The following TMX2 variants were observed in gnomAD, a reference collection of about 807,000 sequenced individuals.
The protein encoded by TMX2 is thioredoxin-related transmembrane protein 2.
In TMX2, 20 loss-of-function variants were observed where a neutral mutation model predicts 33.4. The ratio of observed to expected loss-of-function variants is 0.60; its 90% CI spans 0.42 to 0.87. The LOEUF (loss-of-function observed/expected upper bound fraction) is 0.87. Among genes scored for constraint, TMX2 ranks in the 40% least tolerant of loss-of-function variants. TMX2 has a pLI of 0.00. For synonymous variants in TMX2, 166 were observed against 140.7 expected (o/e 1.18, Z -1.27); for missense variants, 340 against 370.7 (o/e 0.92, Z 0.68).
At chr11:57,716,315 CCGGACGGGGCGG>C (rs1947021711) in intron 1 of TMX2, among the ~76,000 whole-genome samples, 1 of 141,050 alleles carries the variant, frequency 7.1e-6, no homozygotes, top group Non-Finnish European at 1.6e-5. Flanking sequence ...CACCTCCCTC[CCGGACGGGGCGG>C]CTGGCCGGGC....
In TMX2 at chr11:57,735,507, G is replaced by A. The variant is rs558148784; in HGVS notation, c.190-2101G>A. 8.5e-5 allele frequency among the ~76,000 whole-genome samples: 13 copies of A among 152,198 alleles called. No individual in the cohort carries two copies. The South Asian group carries it at 1.4e-3, about 17-fold the overall frequency. On this transcript the variant is annotated intron_variant, in intron 1 of 7. Transcript: ENST00000278422. ...ATTACAGGCTTGAGCCACAGCACCC[G>A]GCCAGGAGAGCTTTATTTCTCATAA...
intron 1 of TMX2, among the ~76,000 whole-genome samples, chr11:57,719,733 T>A (rs939382221): frequency 2.6e-5 from 4 of 151,878 alleles, no homozygotes; most frequent in African/African-American, 9.7e-5. Context: ...CACAGGCTGA[T>A]CTTGAACTCC....
intron 1 of TMX2, among the ~76,000 whole-genome samples, chr11:57,714,272 G>A (rs1275623750): frequency 6.6e-6 from 1 of 152,172 alleles, no homozygotes; most frequent in Non-Finnish European, 1.5e-5. Flanking sequence ...TTAAATTGTT[G>A]TGTCTCATTT....
chr11:57,716,204 G>T (rs1946999194), intron 1 of TMX2, among the ~76,000 whole-genome samples: 1 of 151,352 alleles, frequency 6.6e-6, no homozygotes, highest in African/African-American at 2.4e-5. Flanking sequence ...GGCTGGCCGG[G>T]CGGGGGGCTG....
At chr11:57,724,929 T>G (rs1180461867) in intron 1 of TMX2, among the ~76,000 whole-genome samples, 1 of 151,102 alleles carries the variant, frequency 6.6e-6, no homozygotes, top group African/African-American at 2.4e-5. Flanking sequence ...TCCCAGCTAC[T>G]CGGGAGGCTG....
At position 57,738,428 on chromosome 11, in the gene TMX2, G is replaced by C; in HGVS notation, c.439G>C (p.Asp147His). 2 of 1,608,516 alleles carry C rather than the reference G, an allele frequency of 1.2e-6. No individual in the cohort carries two copies. The highest frequency in any genetic ancestry group is 1.7e-6 in the Non-Finnish European group (2 of 1,175,146). The change falls in exon 4 of 8, where the codon GAT becomes CAT. Residue 147 changes from aspartate to histidine, a missense_variant and splice_region_variant. By Grantham distance (81) the Asp-to-His change is moderately conservative. This residue lies in a region of TMX2 where 209 missense variants were observed against 241.6 expected (regional missense o/e 0.87). Coordinates refer to ENST00000278422, the MANE Select transcript of TMX2 (RefSeq NM_015959.4). ...CAAGTACTTCAATGATAAAACCATT[G>C]ATGTGAGTGCTCTTTCCCCTTTCTG... ...YIKYFNDKTI[D>H]EELERDKRVT...
At chr11:57,715,586 C>CTTTTTTTTTTTTTTTT (rs367827761) in intron 1 of TMX2, among the ~76,000 whole-genome samples, 17 of 130,088 alleles carry the variant, frequency 1.3e-4, no homozygotes, top group East Asian at 7.3e-4. Context: ...AATTTGTTTT[C>CTTTTTTTTTTTTTTTT]TTTTTTTTTT....
chr11:57,716,703 G>A (rs1947101815), intron 1 of TMX2, among the ~76,000 whole-genome samples: 2 of 143,576 alleles, frequency 1.4e-5, no homozygotes, highest in Admixed American at 6.8e-5. Flanking sequence ...GCGGCAGGCC[G>A]GGTGGGGGGC....
chr11:57,722,152 T>TA (rs1947675801), intron 1 of TMX2, among the ~76,000 whole-genome samples: 1 of 151,912 alleles, frequency 6.6e-6, no homozygotes, highest in Admixed American at 6.6e-5. Context: ...CGTGCCAACA[T>TA]ACATGCCCAG....
At chr11:57,714,053 G>A (rs917417832) in intron 1 of TMX2, among the ~76,000 whole-genome samples, 1 of 152,192 alleles carries the variant, frequency 6.6e-6, no homozygotes, top group Non-Finnish European at 1.5e-5. Context: ...CTGGTTTCCA[G>A]GGACCTTTAA....
intron 1 of TMX2, among the ~76,000 whole-genome samples, chr11:57,716,616 T>C: frequency 8.0e-6 from 1 of 124,546 alleles, no homozygotes; most frequent in Non-Finnish European, 1.7e-5. Context: ...GGTGGGGGGC[T>C]GACCCCCCCA....
chr11:57,734,477 G>T (rs2135605646), intron 1 of TMX2, among the ~76,000 whole-genome samples: 1 of 152,360 alleles, frequency 6.6e-6, no homozygotes, highest in South Asian at 2.1e-4. Context: ...GCCAGGCACA[G>T]TGGCTCACGC....
At position 57,712,667 on chromosome 11, in the gene TMX2, C is replaced by T. The variant is rs1565208456; in HGVS notation, c.49C>T (p.Leu17Phe). The T allele has an allele frequency of 1.9e-6, 3 of 1,614,094 alleles. No individual in the cohort carries two copies. Among genetic ancestry groups the T allele is most frequent in the Admixed American group, 1.7e-5 (1 of 60,004 alleles). The stretch of plus-strand genomic sequence containing the variant: ...TGCTCTCGTGTATTCGGTGCCGCGA[C>T]TTTCACGATGGCTCGCCCAACCTTA... ...LIALVYSVPR[L>F]SRWLAQPYYL... Residue 17 changes from leucine to phenylalanine, a missense_variant, in exon 1 of 8, where the codon CTT (leucine) becomes TTT (phenylalanine). By Grantham distance (22) the Leu-to-Phe change is conservative. Around this residue, in one of 3 missense-constraint regions of TMX2, gnomAD observed 106 missense variants for 82.7 expected, o/e 1.28. Coordinates refer to ENST00000278422, the MANE Select transcript of TMX2 (RefSeq NM_015959.4).
chr11:57,718,542 C>G (rs1590913223), intron 1 of TMX2: 1 of 678,874 alleles, frequency 1.5e-6, no homozygotes, highest in Non-Finnish European at 2.7e-6. Flanking sequence ...GCTGATAGTA[C>G]AGGGCTCCTG....
Position 57,739,206 on chromosome 11 carries a change from G to T in TMX2, c.690G>T (p.Met230Ile), listed in dbSNP as rs774412090. The change falls in exon 7 of 8, where the codon ATG becomes ATT. Residue 230 changes from methionine (M) to isoleucine (I), a missense_variant. This residue lies in a region of TMX2 where 209 missense variants were observed against 241.6 expected (regional missense o/e 0.87). Coordinates refer to ENST00000278422, the MANE Select transcript of TMX2 (RefSeq NM_015959.4). ...LILFQGGKEAMRRPQIDKKGR... is the reference protein window; with the variant it reads ...LILFQGGKEAIRRPQIDKKGR... The stretch of plus-strand genomic sequence containing the variant: ...TGTTCCAAGGTGGCAAGGAGGCAAT[G>T]CGGCGGCCACAGATTGACAAGAAAG... 4 of 1,614,004 alleles carry T rather than the reference G, an allele frequency of 2.5e-6. No individual in the cohort carries two copies. Among genetic ancestry groups the T allele is most frequent in the Non-Finnish European group, 3.4e-6 (4 of 1,180,042 alleles).
At chr11:57,733,552 C>G (rs1028399877) in intron 1 of TMX2, among the ~76,000 whole-genome samples, 1 of 151,828 alleles carries the variant, frequency 6.6e-6, no homozygotes, top group Non-Finnish European at 1.5e-5. Flanking sequence ...TCACCGCGCC[C>G]AGCCTATAGT....
chr11:57,725,719 A>ATTATAAAGTACCATG (rs1947933544), intron 1 of TMX2, among the ~76,000 whole-genome samples: 1 of 152,016 alleles, frequency 6.6e-6, no homozygotes, highest in African/African-American at 2.4e-5. Flanking sequence ...CCTGGGCGAC[A>ATTATAAAGTACCATG]GAGTGAGACT....
At chr11:57,735,795 T>C (rs929098706) in intron 1 of TMX2, among the ~76,000 whole-genome samples, 3 of 151,956 alleles carry the variant, frequency 2.0e-5, no homozygotes, top group Non-Finnish European at 2.9e-5. Flanking sequence ...TGAGGTGGAG[T>C]TTTCAGCCCT....
At chr11:57,738,303 C>G (rs1352240126) in intron 3 of TMX2, 51 bp from the exon 4 acceptor site, 2 of 1,379,452 alleles carry the variant, frequency 1.4e-6, no homozygotes, top group Non-Finnish European at 1.0e-6. Flanking sequence ...GAAGTAAATT[C>G]CCTGTGTAAG....
Sources: allele counts gnomAD v4.1 joint callset (sites outside exome capture counted in the v4.1 genomes callset), GRCh38; gene constraint gnomAD v4.1.1; regional missense constraint gnomAD v4.1.1; transcripts MANE v1.5; gene names NCBI Gene and HGNC (gene_info 2026-07-23, HGNC 2026-07-21).